FBP2: variants seen among roughly 807,000 people sequenced by gnomAD.
The protein encoded by FBP2 is fructose-bisphosphatase 2.
FBP2 carries 27 observed loss-of-function variants against 31.6 expected under a neutral mutation model. That is an observed-to-expected ratio of 0.85 (90% CI 0.63 to 1.18). FBP2 has a LOEUF of 1.18. Among genes scored for constraint, FBP2 ranks in the 50% most tolerant of loss-of-function variants. FBP2 has a pLI of 0.00. For missense variants in FBP2, 421 were observed against 436.1 expected (o/e 0.97, Z 0.31); for synonymous variants, 168 against 179.8 (o/e 0.93, Z 0.53).
chr9:94,591,136 T>G (rs574587703), intron 1 of FBP2, among the ~76,000 whole-genome samples: 60 of 152,374 alleles, frequency 3.9e-4, no homozygotes, highest in African/African-American at 8.7e-4. Flanking sequence ...TCCTGCGCCG[T>G]GCGCGCGCAT....
chr9:94,591,189 C>CG (rs1043070340), intron 1 of FBP2, among the ~76,000 whole-genome samples: 11 of 152,344 alleles, frequency 7.2e-5, no homozygotes, highest in Admixed American at 1.3e-4. Context: ...CGCTGTGGAG[C>CG]GGGGGGTGGC....
rs565633617 is a variant in FBP2 at position 94,562,725 on chromosome 9, TA to T, written c.825+616del. 5.0e-3 allele frequency among the ~76,000 whole-genome samples: 759 copies of T among 152,320 alleles called. 4 individuals carry two copies. The highest frequency in any genetic ancestry group is 0.021 in the South Asian group (102 of 4,824). ...TTTTTATGGGAGGTTCTCTGCAAGA[TA>T]GCTGGATCATAAGGTTCTCACTTGA... On this transcript the variant is annotated intron_variant, in intron 6 of 6. Coordinates refer to ENST00000375337, the MANE Select transcript of FBP2 (RefSeq NM_003837.4).
At chr9:94,586,350 G>GA (rs1222096202) in intron 2 of FBP2, among the ~76,000 whole-genome samples, 1 of 152,130 alleles carries the variant, frequency 6.6e-6, no homozygotes, top group Non-Finnish European at 1.5e-5. Flanking sequence ...ACTCCAGCCT[G>GA]TCCAGCCGGG....
chr9:94,562,082 C>T (rs1036441948), intron 6 of FBP2, among the ~76,000 whole-genome samples: 25 of 152,040 alleles, frequency 1.6e-4, no homozygotes, highest in East Asian at 3.9e-4. Context: ...GAGGCCAAGG[C>T]GGGCGGATCA....
intron 6 of FBP2, among the ~76,000 whole-genome samples, chr9:94,561,100 C>T (rs73525308): frequency 0.042 from 6,426 of 152,178 alleles, 446 homozygotes; most frequent in African/African-American, 0.15. Context: ...GCTTATAGCG[C>T]TCAGCATTTT....
chr9:94,575,538 G>A (rs529282946), intron 3 of FBP2, among the ~76,000 whole-genome samples: 43 of 152,230 alleles, frequency 2.8e-4, no homozygotes, highest in African/African-American at 9.9e-4. Flanking sequence ...ATGTTGATAT[G>A]CATTTGGATT....
intron 6 of FBP2, among the ~76,000 whole-genome samples, chr9:94,561,352 ATTTTTTTTTTTTTTT>A (rs1174386595): frequency 5.5e-5 from 3 of 54,970 alleles, no homozygotes; most frequent in Admixed American, 3.2e-4. Flanking sequence ...TGTGACCTGT[ATTTTTTTTTTTTTTT>A]TTTTTTTTTT....
In FBP2 at chr9:94,566,865, T is replaced by C. The variant is rs150070661; in HGVS notation, c.705+405A>G. Among the ~76,000 whole-genome samples the C allele has an allele frequency of 4.8e-4, 73 of 152,354 alleles. 1 individual carries two copies. In the East Asian group the frequency reaches 8.7e-3, roughly 18 times the overall value. On this transcript the variant is annotated intron_variant, in intron 5 of 6. Transcript: ENST00000375337. ...TTTATATTTTATGTTTCTAATCTCT[T>C]TTAATTTCATTTTTCCATGAACTTT... is the stretch of plus-strand genomic sequence containing the variant.
intron 6 of FBP2, among the ~76,000 whole-genome samples, chr9:94,560,946 G>A (rs1383408055): frequency 6.6e-6 from 1 of 152,028 alleles, no homozygotes; most frequent in Non-Finnish European, 1.5e-5. Flanking sequence ...TCTTAAAGTA[G>A]TGGGTGTCCA....
intron 4 of FBP2, 193 bp from the exon 5 acceptor site, chr9:94,567,600 A>G (rs1293584573): frequency 1.7e-6 from 1 of 578,582 alleles, no homozygotes; most frequent in African/African-American, 1.9e-5. Context: ...GAGCCCACAC[A>G]GGAAGCTCTA....
At chr9:94,582,844 AG>A in intron 3 of FBP2, among the ~76,000 whole-genome samples, 1 of 130,774 alleles carries the variant, frequency 7.6e-6, no homozygotes, top group African/African-American at 3.0e-5. Context: ...CACCCTTCCC[AG>A]CCCCCTTTTT....
rs780611933 is a variant in FBP2, at chr9:94,593,714, T to C, written c.13A>G (p.Ser5Gly). The change falls in exon 1 of 7, where the codon AGC becomes GGC. Residue 5 changes from serine to glycine, a missense_variant. Physicochemically the swap from Ser to Gly is moderately conservative, Grantham distance 56. Coordinates refer to ENST00000375337, the MANE Select transcript of FBP2 (RefSeq NM_003837.4). The stretch of plus-strand genomic sequence containing the variant: ...GTGAGCATGTCGGTTTCGAAGGGGC[T>C]TCTGTCCGTCATTTTGGCTGGAATG... Reference protein sequence around the residue: MTDRSPFETDMLTLT... With the variant: MTDRGPFETDMLTLT... 6 of 1,614,144 alleles carry C rather than the reference T, an allele frequency of 3.7e-6. No homozygotes were observed. The highest frequency in any genetic ancestry group is 3.3e-5 in the South Asian group (3 of 91,056).
intron 3 of FBP2, 62 bp from the exon 4 acceptor site, chr9:94,571,664 G>A (rs1564183532): frequency 6.8e-7 from 1 of 1,479,898 alleles, no homozygotes; most frequent in East Asian, 2.4e-5. Flanking sequence ...CACTTTGCCA[G>A]GGGCCTGGGC....
chr9:94,574,351 G>A (rs1203964705), intron 3 of FBP2, among the ~76,000 whole-genome samples: 1 of 152,082 alleles, frequency 6.6e-6, no homozygotes, highest in Admixed American at 6.5e-5. Flanking sequence ...TTTCAACTTT[G>A]TCAATTTGAC....
intron 3 of FBP2, among the ~76,000 whole-genome samples, chr9:94,578,761 A>G (rs1827342631): frequency 6.6e-6 from 1 of 152,162 alleles, no homozygotes; most frequent in Non-Finnish European, 1.5e-5. Context: ...TATTGTAAAA[A>G]TAATTTTATA....
chr9:94,587,950 G>A (rs1248921481), intron 1 of FBP2, among the ~76,000 whole-genome samples: 2 of 152,190 alleles, frequency 1.3e-5, no homozygotes, highest in South Asian at 4.1e-4. Context: ...CTGGGCTCAC[G>A]CCGTTCTCCT....
chr9:94,583,880 T>C (rs1257906515), intron 3 of FBP2, among the ~76,000 whole-genome samples: 1 of 152,238 alleles, frequency 6.6e-6, no homozygotes, highest in Non-Finnish European at 1.5e-5. Context: ...GTTCTGGGAT[T>C]ACAGGCGTGA....
At chr9:94,591,081 C>T (rs1827494912) in intron 1 of FBP2, among the ~76,000 whole-genome samples, 1 of 152,268 alleles carries the variant, frequency 6.6e-6, no homozygotes, top group Non-Finnish European at 1.5e-5. Context: ...GCTGGCTTCA[C>T]CTAGTGGATC....
intron 1 of FBP2, among the ~76,000 whole-genome samples, chr9:94,591,099 G>T (rs1827495251): frequency 6.6e-6 from 1 of 152,176 alleles, no homozygotes; most frequent in Non-Finnish European, 1.5e-5. Flanking sequence ...ATCCCGCACC[G>T]GGGCTGCAGG....
Sources: gnomAD v4.1 joint callset for allele counts (sites outside exome capture counted in the v4.1 genomes callset) on GRCh38, gnomAD v4.1.1 for gene constraint, MANE v1.5 for transcripts, NCBI Gene and HGNC (gene_info 2026-07-23, HGNC 2026-07-21) for gene names.